Variants in IGF1R observed in about 807,000 individuals in gnomAD.
The protein encoded by IGF1R is insulin-like growth factor 1 receptor.
In IGF1R, 44 loss-of-function variants were observed where a neutral mutation model predicts 144.6. The observed-to-expected ratio is 0.30, with a 90% CI of 0.24 to 0.39. The LOEUF (loss-of-function observed/expected upper bound fraction) is 0.39, where lower values mean the gene tolerates loss of function less well. IGF1R is among the 10% of genes least tolerant of loss of function. IGF1R has a pLI of 1.00. For synonymous variants in IGF1R, 795 were observed against 722.8 expected (o/e 1.10, Z -1.60); for missense variants, 1,355 against 1,833.7 (o/e 0.74, Z 4.77).
At chr15:98,895,222 CCACACACACACACACACACACACA>C (rs10704966) in intron 3 of IGF1R, among the ~76,000 whole-genome samples, 16 of 143,398 alleles carry the variant, frequency 1.1e-4, no homozygotes, top group East Asian at 4.2e-4. Flanking sequence ...TGACACAGCA[CCACACACACACACACACACACACA>C]CACACACACA....
At chr15:98,829,275 CAT>C (rs2056957997) in intron 2 of IGF1R, among the ~76,000 whole-genome samples, 1 of 151,944 alleles carries the variant, frequency 6.6e-6, no homozygotes, top group African/African-American at 2.4e-5. Flanking sequence ...TCGTGTTACA[CAT>C]GTCTGAGATG....
At chr15:98,736,454 G>T (rs1374618599) in intron 2 of IGF1R, among the ~76,000 whole-genome samples, 3 of 152,140 alleles carry the variant, frequency 2.0e-5, no homozygotes, top group East Asian at 1.9e-4. Context: ...TTTATGGGGG[G>T]TGGTAGGCAG....
At chr15:98,911,479 G>A (rs2015016440) in intron 7 of IGF1R, 38 bp downstream of exon 7, 1 of 1,613,780 alleles carries the variant, frequency 6.2e-7, no homozygotes. Flanking sequence ...TCTGTTGACA[G>A]GGCTACGAAT....
At chr15:98,916,299 T>C (rs1243248559) in intron 9 of IGF1R, among the ~76,000 whole-genome samples, 168 bp downstream of exon 9, 2 of 150,454 alleles carry the variant, frequency 1.3e-5, no homozygotes, top group Admixed American at 1.3e-4. Flanking sequence ...TCTCACTCTG[T>C]TGCCCAGGCT....
chr15:98,798,200 G>A (rs1276217923), intron 2 of IGF1R, among the ~76,000 whole-genome samples: 1 of 152,158 alleles, frequency 6.6e-6, no homozygotes, highest in Non-Finnish European at 1.5e-5. Context: ...GTTAGGTGTG[G>A]GGTACAGGGT....
chr15:98,821,960 C>A (rs1213113617), intron 2 of IGF1R, among the ~76,000 whole-genome samples: 3 of 152,120 alleles, frequency 2.0e-5, no homozygotes, highest in Non-Finnish European at 4.4e-5. Flanking sequence ...GGTACTTATA[C>A]CATAAAAGGT....
chr15:98,909,023 C>T, intron 6 of IGF1R, 124 bp downstream of exon 6: 1 of 805,988 alleles, frequency 1.2e-6, no homozygotes, highest in Non-Finnish European at 2.1e-6. Context: ...ACCACTAGAC[C>T]ATCTTAACTA....
In IGF1R at chr15:98,814,899, G is replaced by GA. The variant is rs2056663674; in HGVS notation, c.641-76422dup. On this transcript the variant is annotated intron_variant, in intron 2 of 20. Transcript: ENST00000650285. ...ATGATGCTTCCTTATATCTGTGGGG[G>GA]AAAATCAAACTTACATTCTGAAAGG... is the stretch of plus-strand genomic sequence containing the variant. Among the ~76,000 whole-genome samples, 3 of 152,156 alleles carry GA rather than the reference G, an allele frequency of 2.0e-5. No individual in the cohort carries two copies. The South Asian group carries it at 6.2e-4, about 31-fold the overall frequency.
chr15:98,907,515 CA>C (rs1486965525), intron 5 of IGF1R, among the ~76,000 whole-genome samples: 3 of 152,170 alleles, frequency 2.0e-5, no homozygotes, highest in African/African-American at 7.2e-5. Flanking sequence ...CACTGATTCC[CA>C]AACTTAGTAA....
chr15:98,689,988 T>C (rs1474746469), intron 1 of IGF1R, among the ~76,000 whole-genome samples: 2 of 152,026 alleles, frequency 1.3e-5, no homozygotes, highest in African/African-American at 4.8e-5. Flanking sequence ...GTCAAGGAGA[T>C]AGAGCAAGTA....
At chr15:98,727,358 A>T (rs576498223) in intron 2 of IGF1R, among the ~76,000 whole-genome samples, 2 of 152,222 alleles carry the variant, frequency 1.3e-5, no homozygotes, top group South Asian at 4.1e-4. Context: ...TTGGAAAGTG[A>T]TTGGGCCAGT....
chr15:98,834,973 C>A (rs1293092374), intron 2 of IGF1R, among the ~76,000 whole-genome samples: 2 of 151,862 alleles, frequency 1.3e-5, no homozygotes, highest in African/African-American at 4.8e-5. Context: ...TGTAAGATGG[C>A]GAGTGTTGAG....
At chr15:98,807,786 C>T (rs1235936742) in intron 2 of IGF1R, among the ~76,000 whole-genome samples, 2 of 152,226 alleles carry the variant, frequency 1.3e-5, no homozygotes, top group African/African-American at 4.8e-5. Flanking sequence ...TACCCTGTCT[C>T]CTTGCCGTTT....
chr15:98,767,008 C>A (rs1483805337), intron 2 of IGF1R, among the ~76,000 whole-genome samples: 57 of 152,088 alleles, frequency 3.7e-4, no homozygotes, highest in Non-Finnish European at 1.6e-4. Flanking sequence ...GGGTGCCTTT[C>A]CCCTTCCTTT....
At chr15:98,796,732 C>T (rs1274397825) in intron 2 of IGF1R, among the ~76,000 whole-genome samples, 1 of 152,196 alleles carries the variant, frequency 6.6e-6, no homozygotes, top group Non-Finnish European at 1.5e-5. Flanking sequence ...CTTATACATA[C>T]ACACAGGCAT....
chr15:98,778,245 C>G (rs1246834446), intron 2 of IGF1R, among the ~76,000 whole-genome samples: 2 of 152,190 alleles, frequency 1.3e-5, no homozygotes, highest in African/African-American at 2.4e-5. Context: ...GACTGGTTAT[C>G]TTAGTCGTAG....
Position 98,957,229 on chromosome 15 carries a change from A to G in IGF1R, c.3891A>G (p.Pro1297=), listed in dbSNP as rs2017030489. The G allele has an allele frequency of 6.2e-7, 1 of 1,614,110 alleles. No individual in the cohort carries two copies. Among genetic ancestry groups the G allele is most frequent in the African/African-American group, 1.3e-5 (1 of 74,946 alleles). ...LPEPEELDLE[P]ENMESVPLDP... ...AGCCGGAGGAGCTGGACCTGGAGCC[A>G]GAGAACATGGAGAGCGTCCCCCTGG... Residue 1297 remains proline, a synonymous_variant, in exon 21 of 21, where the codon CCA becomes CCG. Transcript: ENST00000650285.
chr15:98,912,161 C>G (rs1325438897), intron 7 of IGF1R, among the ~76,000 whole-genome samples: 1 of 152,196 alleles, frequency 6.6e-6, no homozygotes, highest in Non-Finnish European at 1.5e-5. Flanking sequence ...CCCCCTTACC[C>G]AGGTCCCATG....
At chr15:98,844,519 T>A (rs2011242021) in intron 2 of IGF1R, among the ~76,000 whole-genome samples, 2 of 152,178 alleles carry the variant, frequency 1.3e-5, no homozygotes. Context: ...CTAGGAGGCA[T>A]GTCTACTTAC....
Sources: allele counts gnomAD v4.1 joint callset (sites outside exome capture counted in the v4.1 genomes callset), GRCh38; gene constraint gnomAD v4.1.1; transcripts MANE v1.5; gene names NCBI Gene and HGNC (gene_info 2026-07-23, HGNC 2026-07-21).